Variants in TNR observed in about 807,000 individuals in gnomAD.
TNR encodes tenascin R.
In TNR, 45 loss-of-function variants were observed where a neutral mutation model predicts 150.4. The ratio of observed to expected loss-of-function variants is 0.30; its 90% confidence interval spans 0.24 to 0.38. TNR has a LOEUF of 0.38. Ranked by LOEUF, TNR falls within the 10% of genes least tolerant of loss-of-function variation. The pLI is 1.00. For synonymous variants in TNR, 687 were observed against 678.4 expected (o/e 1.01, Z -0.20); for missense variants, 1,544 against 1,759.1 (o/e 0.88, Z 2.19).
intron 8 of TNR, among the ~76,000 whole-genome samples, chr1:175,382,049 A>G (rs574659701): frequency 6.6e-6 from 1 of 152,318 alleles, no homozygotes; most frequent in East Asian, 1.9e-4. Context: ...CTTTTCAGAG[A>G]GGCCTTTTCA....
At chr1:175,556,713 T>TTGCCCCCTCTCATGG (rs1661171935) in intron 1 of TNR, 1 of 152,588 alleles carries the variant, frequency 6.6e-6, no homozygotes, top group South Asian at 2.1e-4. Context: ...GACTCCTCTG[T>TTGCCCCCTCTCATGG]TGCCCCCTCT....
intron 21 of TNR, among the ~76,000 whole-genome samples, chr1:175,327,672 G>T (rs1166498231): frequency 6.6e-6 from 1 of 152,096 alleles, no homozygotes; most frequent in Non-Finnish European, 1.5e-5. Flanking sequence ...TCCCTTCACA[G>T]CCTCCCCTCC....
At chr1:175,668,618 A>G (rs773736698) in intron 1 of TNR, among the ~76,000 whole-genome samples, 5 of 152,196 alleles carry the variant, frequency 3.3e-5, no homozygotes, top group African/African-American at 7.2e-5. Flanking sequence ...GCATCTCAAA[A>G]AGAGTCAGGG....
chr1:175,729,878 T>C (rs1330342760), intron 1 of TNR, among the ~76,000 whole-genome samples: 1 of 152,188 alleles, frequency 6.6e-6, no homozygotes, highest in Non-Finnish European at 1.5e-5. Context: ...ACTCTCGGAC[T>C]TGGAGATCTT....
intron 1 of TNR, among the ~76,000 whole-genome samples, chr1:175,645,326 A>G (rs985049638): frequency 9.2e-5 from 14 of 152,206 alleles, no homozygotes; most frequent in African/African-American, 3.4e-4. Flanking sequence ...AAATTTAGGG[A>G]TATATAGTTG....
At chr1:175,367,631 G>T (rs1438521841) in intron 9 of TNR, among the ~76,000 whole-genome samples, 1 of 152,124 alleles carries the variant, frequency 6.6e-6, no homozygotes, top group Non-Finnish European at 1.5e-5. Flanking sequence ...TTGAACCAGC[G>T]AGAGGATTTC....
chr1:175,505,700 A>C (rs1307947381), intron 2 of TNR, among the ~76,000 whole-genome samples: 1 of 152,196 alleles, frequency 6.6e-6, no homozygotes, highest in Non-Finnish European at 1.5e-5. Flanking sequence ...TCCATTTGTA[A>C]AATTGCAATT....
At chr1:175,558,178 C>T (rs557000066) in intron 1 of TNR, among the ~76,000 whole-genome samples, 21 of 136,504 alleles carry the variant, frequency 1.5e-4, no homozygotes, top group African/African-American at 5.5e-4. Context: ...TGCTAGATGA[C>T]GAGTTAGTGG....
chr1:175,658,628 A>T (rs894864731), intron 1 of TNR, among the ~76,000 whole-genome samples: 1 of 152,214 alleles, frequency 6.6e-6, no homozygotes, highest in East Asian at 1.9e-4. Flanking sequence ...AATGCTCATG[A>T]TCTGGCAATA....
chr1:175,723,245 A>G (rs1667366162), intron 1 of TNR, among the ~76,000 whole-genome samples: 1 of 152,348 alleles, frequency 6.6e-6, no homozygotes, highest in South Asian at 2.1e-4. Context: ...TGGGAGGAAC[A>G]TGACAGAGGC....
intron 1 of TNR, among the ~76,000 whole-genome samples, chr1:175,536,253 GAATTTTTTCAACCATGC>G: frequency 6.6e-6 from 1 of 152,132 alleles, no homozygotes; most frequent in South Asian, 2.1e-4. Context: ...TAGGCTGGTT[GAATTTTTTCAACCATGC>G]CTTTTTTATG....
chr1:175,403,991 G>A (rs145125129), intron 3 of TNR, among the ~76,000 whole-genome samples: 463 of 152,248 alleles, frequency 3.0e-3, no homozygotes, highest in Middle Eastern at 0.017. Flanking sequence ...GGAAGGGAAC[G>A]TGCTCAAGCC....
At chr1:175,363,976 T>G in intron 12 of TNR, 149 bp from the exon 13 acceptor site, 1 of 975,018 alleles carries the variant, frequency 1.0e-6, no homozygotes, top group African/African-American at 1.7e-5. Flanking sequence ...AAAACCATGG[T>G]CACGCTGATG....
intron 1 of TNR, among the ~76,000 whole-genome samples, chr1:175,603,214 C>G (rs562076086): frequency 2.6e-5 from 4 of 152,328 alleles, no homozygotes; most frequent in African/African-American, 9.6e-5. Context: ...GTGACAGAGA[C>G]CTTTTTTTCT....
chr1:175,675,709 A>C (rs1358420156), intron 1 of TNR, among the ~76,000 whole-genome samples: 2 of 152,134 alleles, frequency 1.3e-5, no homozygotes, highest in Admixed American at 1.3e-4. Context: ...CCTTGCTGCT[A>C]CCTAAGCAGG....
At chr1:175,526,391 C>T (rs1659848699) in intron 2 of TNR, among the ~76,000 whole-genome samples, 1 of 152,122 alleles carries the variant, frequency 6.6e-6, no homozygotes, top group African/African-American at 2.4e-5. Context: ...GGGCCCCTTC[C>T]CCCAGATTAC....
chr1:175,399,712 T>A (rs911155592), intron 4 of TNR, among the ~76,000 whole-genome samples: 1 of 152,238 alleles, frequency 6.6e-6, no homozygotes, highest in Non-Finnish European at 1.5e-5. Context: ...TTCTTAGCCT[T>A]ACTTTCTTTG....
At chr1:175,687,598 C>A (rs1382283006) in intron 1 of TNR, among the ~76,000 whole-genome samples, 1 of 152,116 alleles carries the variant, frequency 6.6e-6, no homozygotes, top group African/African-American at 2.4e-5. Context: ...ATAGTTAACC[C>A]CGAAATGAAG....
At chr1:175,597,761 A>C (rs938700372) in intron 1 of TNR, among the ~76,000 whole-genome samples, 2 of 152,230 alleles carry the variant, frequency 1.3e-5, no homozygotes, top group African/African-American at 4.8e-5. Flanking sequence ...TGATCCATTC[A>C]CCTCCAAGCA....
Sources: gnomAD v4.1 joint callset for allele counts (sites outside exome capture counted in the v4.1 genomes callset) on GRCh38, gnomAD v4.1.1 for gene constraint, MANE v1.5 for transcripts, NCBI Gene and HGNC (gene_info 2026-07-23, HGNC 2026-07-21) for gene names.